Variants in NRG1 observed in about 807,000 individuals in gnomAD.
NRG1 encodes the protein neuregulin 1.
A neutral mutation model predicts 63.8 loss-of-function variants in NRG1; 18 were observed. That is an observed-to-expected ratio of 0.28 (90% CI 0.19 to 0.42). The LOEUF is 0.42. NRG1 is among the 10% of genes least tolerant of loss of function. NRG1 has a pLI of 1.00. For synonymous variants in NRG1, 302 were observed against 301.3 expected (o/e 1.00, Z -0.02); for missense variants, 762 against 814.7 (o/e 0.94, Z 0.79).
At chr8:31,851,167 G>A (rs553321461) in intron 1 of NRG1, among the ~76,000 whole-genome samples, 181 of 152,286 alleles carry the variant, frequency 1.2e-3, no homozygotes, top group Non-Finnish European at 2.2e-3. Context: ...TGACAAAGAA[G>A]TAGAAAGGGA....
intron 1 of NRG1, among the ~76,000 whole-genome samples, chr8:32,257,883 T>C (rs1849911002): frequency 6.6e-6 from 1 of 152,232 alleles, no homozygotes; most frequent in East Asian, 1.9e-4. Context: ...AAAAGAAAGA[T>C]TAGTTTAATA....
chr8:31,841,577 G>T (rs915208645), intron 1 of NRG1, among the ~76,000 whole-genome samples: 3 of 152,106 alleles, frequency 2.0e-5, no homozygotes, highest in African/African-American at 7.2e-5. Context: ...TGAATCAGAA[G>T]AGTATACCAG....
chr8:31,945,829 A>G (rs938817994), intron 1 of NRG1, among the ~76,000 whole-genome samples: 8 of 152,190 alleles, frequency 5.3e-5, no homozygotes, highest in African/African-American at 1.9e-4. Context: ...AACTCCTCTC[A>G]GACCATCTGC....
At position 32,160,597 on chromosome 8, in the gene NRG1, C is replaced by T. The variant is rs143830626; in HGVS notation, c.38-435231C>T. On this transcript the variant is annotated intron_variant, in intron 1 of 10. Transcript: ENST00000519301. The stretch of plus-strand genomic sequence containing the variant: ...TCAGGACATGTGATGTGTGTGCACA[C>T]GCATGTGTGTGTGTACAAAATAAAA... Among the ~76,000 whole-genome samples, 109 of 152,232 alleles carry T rather than the reference C, an allele frequency of 7.2e-4. 1 individual carries two copies. Among genetic ancestry groups the T allele is most frequent in the African/African-American group, 2.5e-3 (102 of 41,556 alleles).
At chr8:31,801,979 T>A (rs1446469919) in intron 1 of NRG1, among the ~76,000 whole-genome samples, 2 of 152,180 alleles carry the variant, frequency 1.3e-5, no homozygotes, top group African/African-American at 4.8e-5. Context: ...AGTGGGCCTA[T>A]CCACATGGCT....
At chr8:32,136,229 A>G (rs1835503178) in intron 1 of NRG1, among the ~76,000 whole-genome samples, 1 of 152,194 alleles carries the variant, frequency 6.6e-6, no homozygotes, top group South Asian at 2.1e-4. Flanking sequence ...ACTGCCCATT[A>G]TAAAATATTC....
At chr8:32,084,072 G>A (rs1487319634) in intron 1 of NRG1, among the ~76,000 whole-genome samples, 2 of 152,070 alleles carry the variant, frequency 1.3e-5, no homozygotes, top group East Asian at 1.9e-4. Context: ...GAAAGAAAAA[G>A]ACATTTTAAA....
chr8:32,507,209 C>T lies in NRG1; in HGVS notation c.38-88619C>T, dbSNP rs970074346. ...GCCTCTTACTAAATAGTTGTAAGAG[C>T]GAGCAAGAGTTACTAAAGCACTTCA... is the stretch of plus-strand genomic sequence containing the variant. On this transcript the variant is annotated intron_variant, in intron 1 of 10. Coordinates refer to the NRG1 transcript ENST00000519301. Among the ~76,000 whole-genome samples the T allele has an allele frequency of 6.6e-5, 10 of 152,176 alleles. No individual in the cohort carries two copies. In the South Asian group the frequency reaches 8.3e-4, roughly 13 times the overall value.
rs538786782 is a variant in NRG1 at position 31,958,983 on chromosome 8, A to G, written c.37+319552A>G. Among the ~76,000 whole-genome samples, 21 of 152,258 alleles carry G rather than the reference A, an allele frequency of 1.4e-4. No homozygotes were observed. The South Asian group carries it at 4.1e-3, about 30-fold the overall frequency. On this transcript the variant is annotated intron_variant, in intron 1 of 10. Transcript: ENST00000519301. ...GGGTCCTTGCTTCTGCTACTTAGCTAATCTGTGACTTTGGAAATCACTCTC... is the reference window on the plus strand; with the variant it reads ...GGGTCCTTGCTTCTGCTACTTAGCTGATCTGTGACTTTGGAAATCACTCTC...
At chr8:31,858,563 T>G (rs2129610111) in intron 1 of NRG1, among the ~76,000 whole-genome samples, 1 of 152,306 alleles carries the variant, frequency 6.6e-6, no homozygotes, top group Middle Eastern at 3.4e-3. Context: ...GCTCAGTGGT[T>G]GGACCAAGAA....
At chr8:32,563,510 A>G (rs529280907) in intron 1 of NRG1, among the ~76,000 whole-genome samples, 27 of 152,334 alleles carry the variant, frequency 1.8e-4, no homozygotes, top group African/African-American at 6.0e-4. Flanking sequence ...AATTCTCAAT[A>G]GAAACTGGGT....
At chr8:32,064,001 G>A (rs1250936076) in intron 1 of NRG1, among the ~76,000 whole-genome samples, 1 of 151,936 alleles carries the variant, frequency 6.6e-6, no homozygotes, top group Admixed American at 6.6e-5. Flanking sequence ...TGGAGTCCAG[G>A]GTGAGAAACC....
chr8:32,160,407 T>G (rs541113172), intron 1 of NRG1, among the ~76,000 whole-genome samples: 60 of 152,264 alleles, frequency 3.9e-4, no homozygotes, highest in Non-Finnish European at 7.5e-4. Flanking sequence ...AAGCAAACCA[T>G]TGTTGTTATT....
chr8:31,685,861 T>C (rs1808832032), intron 1 of NRG1, among the ~76,000 whole-genome samples: 1 of 152,194 alleles, frequency 6.6e-6, no homozygotes, highest in South Asian at 2.1e-4. Flanking sequence ...TAATATTCCA[T>C]GGTATTGATA....
chr8:31,640,881 A>T lies in NRG1; in HGVS notation c.37+1450A>T, dbSNP rs1025140405. Among the ~76,000 whole-genome samples the T allele has an allele frequency of 5.3e-5, 8 of 152,316 alleles. No individual in the cohort carries two copies. The East Asian group carries it at 1.5e-3, about 29-fold the overall frequency. ...GGGTGGTGGGTTCTCAGCGATCCTC[A>T]GAGAGGGAGGTTTCGCTTTCTCCAG... is the stretch of plus-strand genomic sequence containing the variant. On this transcript the variant is annotated intron_variant, in intron 1 of 10. Coordinates refer to the NRG1 transcript ENST00000519301. The surrounding 1 kb of genome is among the most constrained non-coding windows in gnomAD (Gnocchi z 6.3).
chr8:32,689,026 C>T (rs751162791), intron 5 of NRG1, among the ~76,000 whole-genome samples: 5 of 152,086 alleles, frequency 3.3e-5, no homozygotes, highest in Non-Finnish European at 5.9e-5. Flanking sequence ...GGGAGTGCTG[C>T]AGCCAAGAAA....
chr8:31,787,808 G>A (rs1295415767), intron 1 of NRG1, among the ~76,000 whole-genome samples: 1 of 152,090 alleles, frequency 6.6e-6, no homozygotes, highest in Non-Finnish European at 1.5e-5. Context: ...TGAATTTCAT[G>A]CGGTTTTACA....
At chr8:32,684,077 A>T (rs186849012) in intron 5 of NRG1, among the ~76,000 whole-genome samples, 107 of 152,160 alleles carry the variant, frequency 7.0e-4, no homozygotes, top group African/African-American at 2.5e-3. Context: ...CACGTCTGTG[A>T]TCCCAGCTAC....
chr8:32,232,062 C>T (rs112026107), intron 1 of NRG1, among the ~76,000 whole-genome samples: 1,805 of 150,998 alleles, frequency 0.012, 45 homozygotes, highest in African/African-American at 0.041. Flanking sequence ...CATCACCATG[C>T]CTGGTTAATT....
Sources: gnomAD v4.1 joint callset for allele counts (sites outside exome capture counted in the v4.1 genomes callset) on GRCh38, gnomAD v4.1.1 for gene constraint, Gnocchi (gnomAD v3.1) non-coding constraint, MANE v1.5 for transcripts, NCBI Gene and HGNC (gene_info 2026-07-23, HGNC 2026-07-21) for gene names.